The following ZC3H12B variants were observed in gnomAD, a reference collection of about 807,000 sequenced individuals.
ZC3H12B encodes probable ribonuclease ZC3H12B.
In ZC3H12B, 7 loss-of-function variants were observed where a neutral mutation model predicts 43.9. The ratio of observed to expected loss-of-function variants is 0.16; its 90% confidence interval spans 0.09 to 0.30. The LOEUF (loss-of-function observed/expected upper bound fraction) is 0.30. Among genes scored for constraint, ZC3H12B ranks in the 10% least tolerant of loss-of-function variants. ZC3H12B has a pLI of 1.00. For synonymous variants in ZC3H12B, 222 were observed against 241.7 expected, an observed-to-expected ratio of 0.92 and a Z score of 0.76; for missense variants, 475 against 670.2, an observed-to-expected ratio of 0.71 and a Z score of 3.22.
the ZC3H12B span, among the ~76,000 whole-genome samples, chrX:65,158,613 G>A: frequency 2.7e-5 from 3 of 111,542 alleles, no homozygotes; most frequent in South Asian, 3.7e-4. Context: ...ACTTTTTGAT[G>A]GGGTTGTTTG....
At chrX:65,083,036 A>G in the ZC3H12B span, among the ~76,000 whole-genome samples, 5 of 111,651 alleles carry the variant, frequency 4.5e-5, no homozygotes, top group Non-Finnish European at 9.4e-5. Context: ...TTGATGCAGA[A>G]AAAGCATGTG....
At chrX:65,389,315 C>G (rs1312600806) in intron 2 of ZC3H12B, among the ~76,000 whole-genome samples, 1 of 112,090 alleles carries the variant, frequency 8.9e-6, no homozygotes, top group Admixed American at 9.4e-5. Context: ...CTTTGTTTAC[C>G]TACTCAAGCC....
chrX:65,351,773 T>A, the ZC3H12B span, among the ~76,000 whole-genome samples: 1 of 112,355 alleles, frequency 8.9e-6, no homozygotes, highest in Non-Finnish European at 1.9e-5. Context: ...TGAGATAGCA[T>A]CTCACATGAG....
chrX:65,371,443 A>G (rs1028125305), intron 2 of ZC3H12B, among the ~76,000 whole-genome samples: 2 of 111,559 alleles, frequency 1.8e-5, no homozygotes, highest in African/African-American at 6.5e-5. Context: ...TTTTTTTTCC[A>G]CTACCACAAG....
chrX:65,302,229 G>T, the ZC3H12B span, among the ~76,000 whole-genome samples: 1 of 109,999 alleles, frequency 9.1e-6, no homozygotes, highest in Non-Finnish European at 1.9e-5. Flanking sequence ...AGAAAAAACT[G>T]CTTTTTTTTT....
the ZC3H12B span, among the ~76,000 whole-genome samples, chrX:65,189,742 T>A: frequency 9.0e-6 from 1 of 110,535 alleles, no homozygotes; most frequent in Non-Finnish European, 1.9e-5. Context: ...TCCCATTTTG[T>A]AAGTTGCCTG....
At chrX:65,375,396 A>T (rs1037487326) in intron 2 of ZC3H12B, among the ~76,000 whole-genome samples, 3 of 112,145 alleles carry the variant, frequency 2.7e-5, no homozygotes, top group Non-Finnish European at 5.6e-5. Context: ...GCTGAGTCCT[A>T]GTGCTATGCT....
the ZC3H12B span, among the ~76,000 whole-genome samples, chrX:65,134,298 C>T: frequency 9.0e-6 from 1 of 110,924 alleles, no homozygotes; most frequent in Non-Finnish European, 1.9e-5. Context: ...ATGACCAAGG[C>T]AGCTATCCCC....
At chrX:65,307,289 G>T in the ZC3H12B span, among the ~76,000 whole-genome samples, 7 of 111,771 alleles carry the variant, frequency 6.3e-5, no homozygotes, top group Non-Finnish European at 1.1e-4. Flanking sequence ...AACTCAAAAA[G>T]CAGAGATATG....
chrX:65,130,884 AGTT>A, the ZC3H12B span, among the ~76,000 whole-genome samples: 10 of 111,834 alleles, frequency 8.9e-5, no homozygotes, highest in Non-Finnish European at 1.3e-4. Context: ...TTATCAGCAT[AGTT>A]GTTGTCCTGA....
chrX:65,212,212 T>C, the ZC3H12B span, among the ~76,000 whole-genome samples: 34 of 47,623 alleles, frequency 7.1e-4, no homozygotes, highest in Admixed American at 6.6e-3. Context: ...TATTATATAA[T>C]ATATTATATA....
the ZC3H12B span, among the ~76,000 whole-genome samples, chrX:65,225,251 C>T: frequency 1.8e-5 from 2 of 112,460 alleles, no homozygotes; most frequent in East Asian, 2.8e-4. Context: ...CTGCTGCTGA[C>T]ACCCAGGCAA....
At chrX:65,465,934 A>G (rs1395654676) in intron 3 of ZC3H12B, among the ~76,000 whole-genome samples, 1 of 110,341 alleles carries the variant, frequency 9.1e-6, no homozygotes, top group African/African-American at 3.3e-5. Flanking sequence ...GTACACACAC[A>G]TTGTAAAATA....
At chrX:65,059,229 C>CT in the ZC3H12B span, among the ~76,000 whole-genome samples, 1 of 86,270 alleles carries the variant, frequency 1.2e-5, no homozygotes, top group Non-Finnish European at 2.3e-5. Context: ...ACCCCCCCCC[C>CT]GCCCCAGTTT....
the ZC3H12B span, among the ~76,000 whole-genome samples, chrX:65,267,539 A>G: frequency 1.3e-4 from 14 of 111,471 alleles, no homozygotes; most frequent in South Asian, 2.6e-3. Context: ...AAGCTCAGAT[A>G]TTGGACTCAT....
chrX:65,079,784 A>G, the ZC3H12B span, among the ~76,000 whole-genome samples: 14 of 111,504 alleles, frequency 1.3e-4, no homozygotes, highest in African/African-American at 4.6e-4. Context: ...TGAAGACTAC[A>G]TTAAATCCTT....
chrX:65,500,868 T>C (rs1370309707), intron 4 of ZC3H12B, among the ~76,000 whole-genome samples: 1 of 111,575 alleles, frequency 9.0e-6, no homozygotes, highest in East Asian at 2.8e-4. Context: ...CTACTTTGAA[T>C]GTCTGTTTTT....
chrX:65,377,353 A>G (rs1185496711), intron 2 of ZC3H12B, among the ~76,000 whole-genome samples: 1 of 110,804 alleles, frequency 9.0e-6, no homozygotes, highest in African/African-American at 3.3e-5. Flanking sequence ...GAGATTATTT[A>G]AAAGAATAAT....
the ZC3H12B span, among the ~76,000 whole-genome samples, chrX:65,204,204 A>G: frequency 8.9e-6 from 1 of 112,133 alleles, no homozygotes; most frequent in South Asian, 3.7e-4. Flanking sequence ...TATTGCATTT[A>G]TTCATCTGAT....
Sources: gnomAD v4.1 joint callset for allele counts (sites outside exome capture counted in the v4.1 genomes callset) on GRCh38, gnomAD v4.1.1 for gene constraint, MANE v1.5 for transcripts, NCBI Gene and HGNC (gene_info 2026-07-23, HGNC 2026-07-21) for gene names.